GPC5: variants seen among roughly 807,000 people sequenced by gnomAD.
The protein encoded by GPC5 is glypican 5, also known as glypican-5.
GPC5 carries 47 observed loss-of-function variants against 53.9 expected under a neutral mutation model. That is an observed-to-expected ratio of 0.87 (90% CI 0.69 to 1.11). The LOEUF (loss-of-function observed/expected upper bound fraction) is 1.11. GPC5 is among the 50% of genes most tolerant of loss of function. The probability of loss-of-function intolerance (pLI) is 0.00; values close to 1 mark genes in which losing one functional copy is unlikely to be tolerated. For missense variants in GPC5, 748 were observed against 713.1 expected (o/e 1.05, Z -0.56); for synonymous variants, 286 against 263.3 (o/e 1.09, Z -0.84).
intron 2 of GPC5, among the ~76,000 whole-genome samples, chr13:91,520,718 G>A (rs1022378149): frequency 6.7e-6 from 1 of 149,960 alleles, no homozygotes; most frequent in African/African-American, 2.5e-5. Context: ...GTGTGTGTGT[G>A]TATGTGTGTG....
intron 7 of GPC5, among the ~76,000 whole-genome samples, chr13:92,268,384 T>C (rs1462058829): frequency 7.2e-5 from 11 of 151,772 alleles, no homozygotes; most frequent in African/African-American, 2.2e-4. Flanking sequence ...AAAAATGATA[T>C]AGGCACAGAT....
chr13:92,602,208 TACA>T (rs1884084209), intron 7 of GPC5, among the ~76,000 whole-genome samples: 1 of 106,900 alleles, frequency 9.4e-6, no homozygotes, highest in Non-Finnish European at 1.9e-5. Flanking sequence ...ATATATATAT[TACA>T]TATATATAAA....
At chr13:92,037,064 T>G (rs536086410) in intron 6 of GPC5, among the ~76,000 whole-genome samples, 1 of 152,312 alleles carries the variant, frequency 6.6e-6, no homozygotes, top group East Asian at 1.9e-4. Flanking sequence ...AATCTTCCAA[T>G]GATTTCCCAT....
At chr13:92,481,854 C>G (rs1343719199) in intron 7 of GPC5, among the ~76,000 whole-genome samples, 1 of 152,172 alleles carries the variant, frequency 6.6e-6, no homozygotes, top group South Asian at 2.1e-4. Context: ...TGTGGCTGGG[C>G]GCAGTGGCTG....
intron 7 of GPC5, among the ~76,000 whole-genome samples, chr13:92,721,221 T>C (rs1047345085): frequency 2.6e-5 from 4 of 152,072 alleles, no homozygotes; most frequent in Non-Finnish European, 4.4e-5. Flanking sequence ...TCCCAGAAAC[T>C]GTACACCCGG....
intron 5 of GPC5, among the ~76,000 whole-genome samples, chr13:91,828,140 T>C (rs939270651): frequency 2.6e-5 from 4 of 152,050 alleles, no homozygotes; most frequent in African/African-American, 9.7e-5. Context: ...AATCAGAACA[T>C]TGGTGCTTTG....
chr13:92,454,134 A>G (rs907950113), intron 7 of GPC5, among the ~76,000 whole-genome samples: 1 of 152,188 alleles, frequency 6.6e-6, no homozygotes, highest in Admixed American at 6.6e-5. Context: ...GCATAGAACA[A>G]AACAAAACAA....
chr13:91,913,190 G>A (rs535920440), intron 6 of GPC5, among the ~76,000 whole-genome samples: 91 of 152,260 alleles, frequency 6.0e-4, no homozygotes, highest in Non-Finnish European at 1.3e-3. Flanking sequence ...CACGAGGTCA[G>A]GAGTTTGAGA....
At chr13:92,838,491 A>ACC (rs1230712946) in intron 7 of GPC5, among the ~76,000 whole-genome samples, 39 of 148,160 alleles carry the variant, frequency 2.6e-4, no homozygotes, top group African/African-American at 9.0e-4. Flanking sequence ...CCCCCCCCAA[A>ACC]AAAAAAAAGA....
At chr13:92,676,916 TAC>T (rs34267880) in intron 7 of GPC5, among the ~76,000 whole-genome samples, 2 of 151,264 alleles carry the variant, frequency 1.3e-5, no homozygotes, top group African/African-American at 2.4e-5. Context: ...GGGTTAAAAA[TAC>T]ACACACACAC....
At chr13:92,303,164 G>C (rs1299109052) in intron 7 of GPC5, among the ~76,000 whole-genome samples, 1 of 152,090 alleles carries the variant, frequency 6.6e-6, no homozygotes, top group East Asian at 1.9e-4. Flanking sequence ...GAGAGGGATG[G>C]GATAGAACAA....
intron 6 of GPC5, among the ~76,000 whole-genome samples, chr13:91,968,252 T>G (rs1163993472): frequency 1.3e-5 from 2 of 152,214 alleles, no homozygotes; most frequent in South Asian, 4.1e-4. Flanking sequence ...TTTAAAGTTT[T>G]TTTTTATGTT....
chr13:91,908,589 TG>T (rs1291586842), intron 6 of GPC5, among the ~76,000 whole-genome samples: 3 of 152,162 alleles, frequency 2.0e-5, no homozygotes, highest in African/African-American at 7.2e-5. Context: ...TCTTCAATAA[TG>T]TTTTTCATCA....
chr13:92,004,463 TATATATA>T (rs2040586924), intron 6 of GPC5, among the ~76,000 whole-genome samples: 110 of 34,356 alleles, frequency 3.2e-3, no homozygotes, highest in African/African-American at 6.8e-3. Flanking sequence ...AAAAATTATA[TATATATA>T]TATATATATA....
At chr13:92,254,627 G>T (rs950839867) in intron 7 of GPC5, among the ~76,000 whole-genome samples, 9 of 152,142 alleles carry the variant, frequency 5.9e-5, no homozygotes, top group African/African-American at 1.9e-4. Context: ...AATTTATAAA[G>T]GAAAGAGGTT....
intron 2 of GPC5, among the ~76,000 whole-genome samples, chr13:91,571,999 G>A (rs181360233): frequency 7.0e-6 from 1 of 143,126 alleles, no homozygotes; most frequent in African/African-American, 2.6e-5. Flanking sequence ...GTGTATATGT[G>A]TATATATGCA....
At chr13:91,770,367 A>G (rs1402917170) in intron 5 of GPC5, among the ~76,000 whole-genome samples, 1 of 152,142 alleles carries the variant, frequency 6.6e-6, no homozygotes, top group Non-Finnish European at 1.5e-5. Context: ...TCATCAACTG[A>G]TTAACTCCAT....
intron 4 of GPC5, among the ~76,000 whole-genome samples, chr13:91,756,075 G>GAA (rs34332161): frequency 0.033 from 4,663 of 140,592 alleles, 159 homozygotes; most frequent in African/African-American, 0.079. Context: ...CTTTTTTTTT[G>GAA]AAAAAAAAAA....
chr13:92,150,336 T>G (rs902630108), intron 7 of GPC5, among the ~76,000 whole-genome samples: 4 of 152,028 alleles, frequency 2.6e-5, no homozygotes, highest in African/African-American at 9.7e-5. Context: ...TGTTCAAAAT[T>G]GTAAATACTT....
Sources: allele counts gnomAD v4.1 joint callset (sites outside exome capture counted in the v4.1 genomes callset), GRCh38; gene constraint gnomAD v4.1.1; transcripts MANE v1.5; gene names NCBI Gene and HGNC (gene_info 2026-07-23, HGNC 2026-07-21).